The following ESPNL variants were observed in gnomAD, a reference collection of about 807,000 sequenced individuals.
ESPNL encodes espin like.
A neutral mutation model predicts 46.8 loss-of-function variants in ESPNL; 49 were observed. The observed-to-expected ratio is 1.05, with a 90% CI of 0.83 to 1.33. ESPNL has a LOEUF of 1.33. ESPNL is among the 40% of genes most tolerant of loss of function. The pLI, the probability that ESPNL is intolerant of heterozygous loss-of-function variation, is 0.00. For missense variants in ESPNL, 1,540 were observed against 1,436.6 expected (o/e 1.07, Z -1.16); for synonymous variants, 664 against 662.1 (o/e 1.00, Z -0.04).
intron 8 of ESPNL, 129 bp downstream of exon 8, chr2:238,129,033 T>A: frequency 7.0e-7 from 1 of 1,433,792 alleles, no homozygotes; most frequent in Non-Finnish European, 9.1e-7. Context: ...CTCTGTGGCC[T>A]CAGCTGCTGC....
chr2:238,117,258 C>G lies in ESPNL; in HGVS notation c.987+224C>G, dbSNP rs575495010. 4.9e-4 allele frequency among the ~76,000 whole-genome samples: 74 copies of G among 152,304 alleles called. 1 individual carries two copies. Among genetic ancestry groups the G allele is most frequent in the South Asian group, 4.1e-4 (2 of 4,826 alleles). On this transcript the variant is annotated intron_variant, in intron 5 of 8. Coordinates refer to ENST00000343063, the MANE Select transcript of ESPNL (RefSeq NM_194312.4). ...ACAGGAGCTGTGACAGGGGCCAGGACAGGGGCTGTGACAGGGGTGGGGCCA... is the reference window on the plus strand; with the variant it reads ...ACAGGAGCTGTGACAGGGGCCAGGAGAGGGGCTGTGACAGGGGTGGGGCCA...
At position 238,107,850 on chromosome 2, in the gene ESPNL, C is replaced by T. The variant is rs752900535; in HGVS notation, c.732C>T (p.His244=). 60 of 1,609,630 alleles carry T rather than the reference C, an allele frequency of 3.7e-5. No homozygotes were observed. The highest frequency in any genetic ancestry group is 4.9e-5 in the Non-Finnish European group (58 of 1,178,492). Reference sequence around the variant, plus strand: ...ACAATGAGGGGGCCACGGCCCTGCACTTTGCAGCCCGAGGCGGCCACACGC... The same window carrying T: ...ACAATGAGGGGGCCACGGCCCTGCATTTTGCAGCCCGAGGCGGCCACACGC... ...ARDNEGATAL[H]FAARGGHTPI... is the part of the protein sequence containing the mutation. Residue 244 remains histidine (H), a synonymous_variant, in exon 4 of 9, where the codon CAC becomes CAT. Coordinates refer to ENST00000343063, the MANE Select transcript of ESPNL (RefSeq NM_194312.4).
chr2:238,107,541 T>C lies in ESPNL; in HGVS notation c.673-250T>C, dbSNP rs538404723. ...TTTGCCATGATGTTTGCTTTCAGATTTGGGACCATGGTGTCTGCAAATTAA... is the reference window on the plus strand; with the variant it reads ...TTTGCCATGATGTTTGCTTTCAGATCTGGGACCATGGTGTCTGCAAATTAA... On this transcript the variant is annotated intron_variant, in intron 3 of 8. Coordinates refer to ENST00000343063, the MANE Select transcript of ESPNL (RefSeq NM_194312.4). 6.6e-5 allele frequency among the ~76,000 whole-genome samples: 10 copies of C among 152,190 alleles called. No homozygotes were observed. The East Asian group carries it at 1.9e-3, about 29-fold the overall frequency.
chr2:238,131,812 T>G lies in ESPNL; in HGVS notation c.*80T>G. On this transcript the variant is annotated 3_prime_UTR_variant, in exon 9 of 9. Coordinates refer to ENST00000343063, the MANE Select transcript of ESPNL (RefSeq NM_194312.4). Reference sequence around the variant, plus strand: ...CTTTTCTTTTCCTTGCTCACACCCTTGGTGTTCAGGTGAGCCGGGCAAGGC... The same window carrying G: ...CTTTTCTTTTCCTTGCTCACACCCTGGGTGTTCAGGTGAGCCGGGCAAGGC... 6.8e-7 allele frequency: 1 copy of G among 1,477,054 alleles called. No individual in the cohort carries two copies. The highest frequency in any genetic ancestry group is 9.1e-7 in the Non-Finnish European group (1 of 1,093,158). The allele number at this position is 1,477,054 out of a possible 1,614,324, so 91.5% of individuals were successfully genotyped here.
At chr2:238,123,192 C>T (rs998676801) in intron 5 of ESPNL, among the ~76,000 whole-genome samples, 2 of 152,226 alleles carry the variant, frequency 1.3e-5, no homozygotes, top group African/African-American at 4.8e-5. Flanking sequence ...CAGTCGCTCC[C>T]TGCACACACA....
Position 238,127,405 on chromosome 2 carries a change from C to G in ESPNL, c.1103-217C>G, listed in dbSNP as rs1028788019. On this transcript the variant is annotated intron_variant, in intron 6 of 8. Coordinates refer to ENST00000343063, the MANE Select transcript of ESPNL (RefSeq NM_194312.4). Reference sequence around the variant, plus strand: ...GCGTGGCCCAGCGGTGTGCCGCAGGCTCTCCCATCGACCAGGCGGGGGCGG... The same window carrying G: ...GCGTGGCCCAGCGGTGTGCCGCAGGGTCTCCCATCGACCAGGCGGGGGCGG... 5 of 1,328,480 alleles carry G rather than the reference C, an allele frequency of 3.8e-6. No homozygotes were observed. In the African/African-American group the frequency reaches 4.6e-5, roughly 12 times the overall value. 82.3% of individuals were successfully genotyped at this position (1,328,480 alleles called of 1,614,324 possible). A position where few individuals can be genotyped will look rare whatever the true frequency, so the allele number is the denominator to read the frequency against.
chr2:238,128,855 T>C lies in ESPNL; in HGVS notation c.1364T>C (p.Val455Ala). The part of the protein sequence containing the change: ...PIPEWKRQVM[V>A]RKLQARLGAE... ...CCAGAGTGGAAGCGGCAGGTGATGG[T>C]GCGGAAGCTGCAGGCGCGCCTGGGC... The change falls in exon 8 of 9, where the codon GTG becomes GCG. Residue 455 changes from valine (V) to alanine (A), a missense_variant. Coordinates refer to ENST00000343063, the MANE Select transcript of ESPNL (RefSeq NM_194312.4). 6.5e-7 allele frequency: 1 copy of C among 1,547,810 alleles called. No individual in the cohort carries two copies. The highest frequency in any genetic ancestry group is 1.2e-5 in the South Asian group (1 of 83,996).
chr2:238,112,637 A>G (rs112994698), intron 4 of ESPNL, among the ~76,000 whole-genome samples: 3,620 of 152,320 alleles, frequency 0.024, 54 homozygotes, highest in Middle Eastern at 0.041. Flanking sequence ...ATTGAAGGCT[A>G]TAAATTTTCC....
chr2:238,125,848 G>A (rs1451498920), intron 6 of ESPNL, among the ~76,000 whole-genome samples: 3 of 152,022 alleles, frequency 2.0e-5, no homozygotes, highest in Non-Finnish European at 2.9e-5. Flanking sequence ...TAGTGAGGGC[G>A]AGCTTCCTCC....
rs1691780718 is a variant in ESPNL at position 238,114,828 on chromosome 2, G to A, written c.856-2075G>A. 6.6e-6 allele frequency among the ~76,000 whole-genome samples: 1 copy of A among 152,218 alleles called. No homozygotes were observed. The highest frequency in any genetic ancestry group is 2.1e-4 in the South Asian group (1 of 4,832). On this transcript the variant is annotated intron_variant, in intron 4 of 8. Transcript: ENST00000343063. The surrounding 1 kb of genome is among the most constrained non-coding windows in gnomAD (Gnocchi z 5.0). ...ACAAATAAAGCCTTGTGGGCACCCG[G>A]CCACGCTATGGGTGGCAGCTTTCGC...
chr2:238,123,070 C>T (rs760057883), intron 5 of ESPNL, among the ~76,000 whole-genome samples: 20 of 152,206 alleles, frequency 1.3e-4, no homozygotes, highest in Non-Finnish European at 2.1e-4. Context: ...CCAGGTGGTG[C>T]GAGTTGGGTC....
chr2:238,120,399 G>A (rs1264582244), intron 5 of ESPNL, among the ~76,000 whole-genome samples: 4 of 152,196 alleles, frequency 2.6e-5, no homozygotes, highest in Non-Finnish European at 5.9e-5. Flanking sequence ...GAACAGCCCC[G>A]CCCGACCTCC....
At chr2:238,108,499 G>C (rs13025510) in intron 4 of ESPNL, among the ~76,000 whole-genome samples, 1 of 152,080 alleles carries the variant, frequency 6.6e-6, no homozygotes, top group Non-Finnish European at 1.5e-5. Flanking sequence ...CCCTGCCCGG[G>C]TGCCCACCCG....
intron 4 of ESPNL, among the ~76,000 whole-genome samples, 153 bp from the exon 5 acceptor site, chr2:238,116,750 G>T (rs1463350236): frequency 6.6e-6 from 1 of 152,094 alleles, no homozygotes; most frequent in African/African-American, 2.4e-5. Flanking sequence ...CAGGTCTCTG[G>T]CACCCCACGG....
At chr2:238,100,846 T>A (rs898398658) in intron 1 of ESPNL, 133 bp downstream of exon 1, 11 of 730,012 alleles carry the variant, frequency 1.5e-5, no homozygotes, top group Non-Finnish European at 2.0e-5. Flanking sequence ...TCTTGGGGAC[T>A]CAGTCAGTGG....
intron 5 of ESPNL, among the ~76,000 whole-genome samples, chr2:238,119,671 C>T (rs1691943076): frequency 4.6e-5 from 7 of 151,978 alleles, no homozygotes; most frequent in Admixed American, 4.6e-4. Flanking sequence ...TCGGTTTCTG[C>T]CACACCTCTT....
At chr2:238,128,626 C>T in intron 7 of ESPNL, 81 bp from the exon 8 acceptor site, 1 of 1,408,602 alleles carries the variant, frequency 7.1e-7, no homozygotes, top group East Asian at 2.5e-5. Context: ...CGGAGCCAAC[C>T]CCCCACGTCC....
At chr2:238,119,029 G>A (rs1195484293) in intron 5 of ESPNL, among the ~76,000 whole-genome samples, 28 of 148,474 alleles carry the variant, frequency 1.9e-4, no homozygotes, top group African/African-American at 6.0e-4. Flanking sequence ...GGTGGATGGA[G>A]GAGGGTGAAT....
intron 5 of ESPNL, among the ~76,000 whole-genome samples, chr2:238,119,525 A>G (rs1466903175): frequency 5.1e-4 from 21 of 41,104 alleles, no homozygotes; most frequent in East Asian, 1.9e-3. Flanking sequence ...GGAGGAGGGG[A>G]GATGGAGGAG....
Sources: allele counts gnomAD v4.1 joint callset (sites outside exome capture counted in the v4.1 genomes callset), GRCh38; gene constraint gnomAD v4.1.1; non-coding constraint Gnocchi (gnomAD v3.1); transcripts MANE v1.5; gene names NCBI Gene and HGNC (gene_info 2026-07-23, HGNC 2026-07-21).